Variants in FAM13C observed in about 807,000 individuals in gnomAD.
FAM13C encodes protein FAM13C.
A neutral mutation model predicts 73.2 loss-of-function variants in FAM13C; 37 were observed. The observed-to-expected ratio is 0.51, with a 90% CI of 0.39 to 0.67. FAM13C has a LOEUF of 0.67. FAM13C is among the 30% of genes least tolerant of loss of function. The pLI is 0.00. For missense variants in FAM13C, 589 were observed against 715.6 expected (o/e 0.82, Z 2.02); for synonymous variants, 246 against 260.9 (o/e 0.94, Z 0.55).
chr10:59,332,458 G>C (rs1589653215), intron 3 of FAM13C, among the ~76,000 whole-genome samples: 1 of 152,150 alleles, frequency 6.6e-6, no homozygotes, highest in Admixed American at 6.6e-5. Context: ...AAAATGCAGA[G>C]TGGGTTGTCA....
At chr10:59,331,272 T>C (rs1408224751) in intron 3 of FAM13C, among the ~76,000 whole-genome samples, 2 of 152,226 alleles carry the variant, frequency 1.3e-5, no homozygotes, top group Non-Finnish European at 2.9e-5. Context: ...CAAGCCTAGT[T>C]CTTGAGAGAA....
chr10:59,349,623 C>T (rs948728232), intron 3 of FAM13C, among the ~76,000 whole-genome samples: 3 of 151,420 alleles, frequency 2.0e-5, no homozygotes, highest in African/African-American at 2.4e-5. Flanking sequence ...ATTAGCAGGG[C>T]GTGGTGGCAC....
At chr10:59,277,561 A>G (rs1165668056) in intron 6 of FAM13C, among the ~76,000 whole-genome samples, 1 of 152,192 alleles carries the variant, frequency 6.6e-6, no homozygotes, top group Non-Finnish European at 1.5e-5. Context: ...ATATACATCA[A>G]AAGAGGCACA....
At chr10:59,345,902 A>G (rs118053419) in intron 3 of FAM13C, among the ~76,000 whole-genome samples, 1 of 152,368 alleles carries the variant, frequency 6.6e-6, no homozygotes, top group East Asian at 1.9e-4. Flanking sequence ...CTAAGGTGTC[A>G]AAACAATTGT....
intron 8 of FAM13C, 58 bp from the exon 9 acceptor site, chr10:59,264,224 G>GCCCC: frequency 9.3e-7 from 1 of 1,079,734 alleles, no homozygotes; most frequent in African/African-American, 1.6e-5. Context: ...GAGGGTGGGG[G>GCCCC]AGAAAAAGAG....
chr10:59,281,748 C>T (rs1340860099), intron 6 of FAM13C, among the ~76,000 whole-genome samples: 2 of 152,138 alleles, frequency 1.3e-5, no homozygotes, highest in Non-Finnish European at 2.9e-5. Context: ...CAAAACTATT[C>T]TTAATTGTTG....
At chr10:59,279,558 A>C (rs771119924) in intron 6 of FAM13C, among the ~76,000 whole-genome samples, 5 of 152,214 alleles carry the variant, frequency 3.3e-5, no homozygotes, top group Non-Finnish European at 5.9e-5. Flanking sequence ...TAAAACTCCA[A>C]ACCATCAATC....
intron 13 of FAM13C, among the ~76,000 whole-genome samples, chr10:59,250,679 G>A (rs1044958467): frequency 6.6e-6 from 1 of 152,168 alleles, no homozygotes; most frequent in Non-Finnish European, 1.5e-5. Flanking sequence ...TAAATGGAGA[G>A]GAATACAGAG....
chr10:59,291,883 G>A (rs560670305), intron 5 of FAM13C, among the ~76,000 whole-genome samples: 134 of 148,518 alleles, frequency 9.0e-4, no homozygotes, highest in Admixed American at 2.7e-3. Flanking sequence ...CCACCTCCTG[G>A]GTTCACGCCA....
chr10:59,276,288 A>C (rs1249097798), intron 6 of FAM13C, among the ~76,000 whole-genome samples: 1 of 152,218 alleles, frequency 6.6e-6, no homozygotes, highest in African/African-American at 2.4e-5. Flanking sequence ...AAGTAGTTAG[A>C]AATTATGATA....
chr10:59,247,853 T>A (rs1177193814), intron 13 of FAM13C, 116 bp from the exon 14 acceptor site: 2 of 942,008 alleles, frequency 2.1e-6, no homozygotes, highest in Non-Finnish European at 3.1e-6. Flanking sequence ...GGTTTTTGCA[T>A]CATGTCTTCT....
chr10:59,296,458 C>T (rs1846936619), intron 5 of FAM13C, among the ~76,000 whole-genome samples: 1 of 152,136 alleles, frequency 6.6e-6, no homozygotes, highest in Non-Finnish European at 1.5e-5. Context: ...TAAGAGTTAA[C>T]AGTAGTATGG....
chr10:59,335,767 G>A (rs979357753), intron 3 of FAM13C, among the ~76,000 whole-genome samples: 2 of 152,242 alleles, frequency 1.3e-5, no homozygotes, highest in East Asian at 3.9e-4. Context: ...GCTCTGCAGG[G>A]GAAGGTAAGC....
intron 1 of FAM13C, among the ~76,000 whole-genome samples, chr10:59,359,400 C>T (rs757304752): frequency 2.0e-5 from 3 of 152,186 alleles, no homozygotes; most frequent in Non-Finnish European, 4.4e-5. Context: ...GTTCTTTTTG[C>T]TGCCTAAAAC....
intron 5 of FAM13C, among the ~76,000 whole-genome samples, chr10:59,295,378 G>A (rs1249275342): frequency 6.6e-6 from 1 of 152,196 alleles, no homozygotes; most frequent in Admixed American, 6.5e-5. Context: ...GATTTGCCAC[G>A]CTGTTGCTGG....
At chr10:59,308,843 C>T (rs1013774573) in intron 4 of FAM13C, among the ~76,000 whole-genome samples, 10 of 152,156 alleles carry the variant, frequency 6.6e-5, no homozygotes, top group African/African-American at 9.7e-5. Context: ...CCCTAAAGCT[C>T]GTGCTGAGTC....
intron 6 of FAM13C, among the ~76,000 whole-genome samples, chr10:59,270,967 A>G (rs1843657794): frequency 6.6e-6 from 1 of 152,186 alleles, no homozygotes; most frequent in Admixed American, 6.5e-5. Flanking sequence ...ACGGTCCTCC[A>G]GAAGGTAAGT....
intron 13 of FAM13C, chr10:59,251,346 C>T: frequency 2.1e-6 from 1 of 469,412 alleles, no homozygotes; most frequent in Non-Finnish European, 3.7e-6. Flanking sequence ...GGAGTTTATC[C>T]TTTATTTTTT....
chr10:59,359,321 C>A (rs569977925), intron 1 of FAM13C, among the ~76,000 whole-genome samples: 1 of 152,310 alleles, frequency 6.6e-6, no homozygotes, highest in Non-Finnish European at 1.5e-5. Flanking sequence ...GTCTATATGC[C>A]AGAGGATCAC....
Sources: allele counts gnomAD v4.1 joint callset (sites outside exome capture counted in the v4.1 genomes callset), GRCh38; gene constraint gnomAD v4.1.1; transcripts MANE v1.5; gene names NCBI Gene and HGNC (gene_info 2026-07-23, HGNC 2026-07-21).